Variants in EYS observed in about 807,000 individuals in gnomAD.
EYS encodes protein eyes shut homolog.
Under a neutral mutation model 282.1 loss-of-function variants are expected in EYS, and 250 were observed. That is an observed-to-expected ratio of 0.89 (90% CI 0.80 to 0.98). EYS has a LOEUF of 0.98. Among genes scored for constraint, EYS ranks in the 50% least tolerant of loss-of-function variants. The probability of loss-of-function intolerance (pLI) is 0.00; values close to 1 mark genes in which losing one functional copy is unlikely to be tolerated. For missense variants in EYS, 4,016 were observed against 3,709.0 expected (o/e 1.08, Z -2.15); for synonymous variants, 1,355 against 1,282.9 (o/e 1.06, Z -1.20).
intron 5 of EYS, among the ~76,000 whole-genome samples, chr6:65,447,757 CAG>C (rs66891497): frequency 0.18 from 28,086 of 151,822 alleles, 3,235 homozygotes; most frequent in Middle Eastern, 0.3. Flanking sequence ...TTTGCAGATG[CAG>C]AGAGATAAAT....
chr6:65,046,324 T>C (rs1342457949), intron 13 of EYS, among the ~76,000 whole-genome samples: 2 of 151,820 alleles, frequency 1.3e-5, no homozygotes, highest in East Asian at 1.9e-4. Flanking sequence ...AGAATCAACA[T>C]TGGTACAGTG....
chr6:63,750,087 T>C (rs371458806), intron 41 of EYS, among the ~76,000 whole-genome samples: 3 of 152,234 alleles, frequency 2.0e-5, no homozygotes, highest in East Asian at 1.9e-4. Flanking sequence ...TTTTCTGCTA[T>C]AGGTTTCTGT....
chr6:65,438,044 C>T (rs1768147748), intron 5 of EYS, among the ~76,000 whole-genome samples: 1 of 141,144 alleles, frequency 7.1e-6, no homozygotes, highest in South Asian at 2.3e-4. Flanking sequence ...GTGTGATGTT[C>T]CCTGCCCTGT....
chr6:65,327,409 TTTTA>T (rs1769654642), intron 11 of EYS, among the ~76,000 whole-genome samples: 1 of 151,586 alleles, frequency 6.6e-6, no homozygotes, highest in African/African-American at 2.4e-5. Context: ...GTGAATTGTG[TTTTA>T]TTTATTTATT....
intron 30 of EYS, among the ~76,000 whole-genome samples, chr6:64,256,579 A>C (rs1456452800): frequency 1.3e-5 from 2 of 152,070 alleles, no homozygotes; most frequent in Admixed American, 1.3e-4. Flanking sequence ...ACAAAGGAGC[A>C]GAAGAAAAGC....
chr6:63,908,032 ACGTT>A (rs1773824810), intron 35 of EYS, among the ~76,000 whole-genome samples: 9 of 47,446 alleles, frequency 1.9e-4, no homozygotes, highest in African/African-American at 7.4e-4. Flanking sequence ...ATATATATAT[ACGTT>A]TGTGTGTGTG....
intron 29 of EYS, among the ~76,000 whole-genome samples, chr6:64,338,827 T>C (rs574485421): frequency 2.4e-4 from 36 of 151,534 alleles, no homozygotes; most frequent in Non-Finnish European, 4.1e-4. Context: ...AGAAATAAAC[T>C]CAAATACTTA....
At chr6:64,377,340 T>A (rs779585100) in intron 29 of EYS, among the ~76,000 whole-genome samples, 7 of 152,178 alleles carry the variant, frequency 4.6e-5, no homozygotes, top group Non-Finnish European at 1.0e-4. Flanking sequence ...AAAACAGACA[T>A]TGCATTAAAA....
chr6:64,394,732 A>T, intron 28 of EYS, among the ~76,000 whole-genome samples: 2 of 151,476 alleles, frequency 1.3e-5, no homozygotes, highest in Non-Finnish European at 3.0e-5. Flanking sequence ...CAAGGACTTC[A>T]TGTCTAAAAC....
At chr6:65,374,502 GTTT>G (rs70999201) in intron 8 of EYS, among the ~76,000 whole-genome samples, 1 of 144,604 alleles carries the variant, frequency 6.9e-6, no homozygotes, top group African/African-American at 2.6e-5. Context: ...TACCTGCGGA[GTTT>G]TTTTTTTTTT....
intron 13 of EYS, among the ~76,000 whole-genome samples, chr6:65,006,137 C>T (rs1005914488): frequency 2.6e-5 from 4 of 151,818 alleles, no homozygotes; most frequent in African/African-American, 7.3e-5. Context: ...TGGGCAGTTA[C>T]GTGGGACCCG....
At chr6:65,125,403 A>G (rs1485260842) in intron 12 of EYS, among the ~76,000 whole-genome samples, 1 of 152,074 alleles carries the variant, frequency 6.6e-6, no homozygotes, top group Non-Finnish European at 1.5e-5. Flanking sequence ...CCCGCTGCCC[A>G]TTTGCAGTTG....
chr6:64,741,926 T>A (rs1407236590), intron 22 of EYS, among the ~76,000 whole-genome samples: 1 of 152,206 alleles, frequency 6.6e-6, no homozygotes, highest in Non-Finnish European at 1.5e-5. Flanking sequence ...AGGCTGCTTC[T>A]GTTTCTTACT....
intron 11 of EYS, among the ~76,000 whole-genome samples, chr6:65,325,728 C>T (rs959867306): frequency 6.6e-6 from 1 of 152,014 alleles, no homozygotes; most frequent in African/African-American, 2.4e-5. Flanking sequence ...AGGGTAGGGA[C>T]ACTCTGACTC....
At chr6:65,529,752 G>A (rs1049690093) in intron 2 of EYS, among the ~76,000 whole-genome samples, 2 of 152,124 alleles carry the variant, frequency 1.3e-5, no homozygotes, top group Admixed American at 6.6e-5. Context: ...AATCATTACA[G>A]CCCTCATGAA....
intron 29 of EYS, among the ~76,000 whole-genome samples, chr6:64,311,238 G>T (rs1769688338): frequency 6.6e-6 from 1 of 151,942 alleles, no homozygotes; most frequent in South Asian, 2.1e-4. Context: ...GGTTAATTAG[G>T]TTTCTGGGAC....
Position 64,545,269 on chromosome 6 carries a change from C to T in EYS, c.5644+44954G>A, listed in dbSNP as rs150727160. On this transcript the variant is annotated intron_variant, in intron 26 of 42. Transcript: ENST00000503581. ...ATATAAACAGAACCAACGACAAAAA[C>T]CATACGATTATCTCAATAGATGCAG... is the stretch of plus-strand genomic sequence containing the variant. 6.7e-3 allele frequency among the ~76,000 whole-genome samples: 1,023 copies of T among 152,222 alleles called. 16 individuals are homozygous for T. The highest frequency in any genetic ancestry group is 0.024 in the African/African-American group (982 of 41,526).
intron 22 of EYS, among the ~76,000 whole-genome samples, chr6:64,752,572 ACTAT>A (rs886839613): frequency 9.2e-5 from 14 of 152,298 alleles, no homozygotes; most frequent in African/African-American, 2.9e-4. Context: ...AAAAGGTTGG[ACTAT>A]CTATTTGAGG....
chr6:64,171,267 G>T (rs184487075), intron 31 of EYS, among the ~76,000 whole-genome samples: 137 of 152,100 alleles, frequency 9.0e-4, no homozygotes, highest in African/African-American at 3.2e-3. Context: ...ATCTATATAC[G>T]GAAAGTAAGT....
Sources: gnomAD v4.1 joint callset for allele counts (sites outside exome capture counted in the v4.1 genomes callset) on GRCh38, gnomAD v4.1.1 for gene constraint, MANE v1.5 for transcripts, NCBI Gene and HGNC (gene_info 2026-07-23, HGNC 2026-07-21) for gene names.